The following XKR9 variants were observed in gnomAD, a reference collection of about 807,000 sequenced individuals.
The protein encoded by XKR9 is XK-related protein 9.
Under a neutral mutation model 32.0 loss-of-function variants are expected in XKR9, and 32 were observed. The ratio of observed to expected loss-of-function variants is 1.00; its 90% CI spans 0.76 to 1.34. The LOEUF is 1.34. XKR9 is among the 40% of genes most tolerant of loss of function. The pLI is 0.00. For synonymous variants in XKR9, 168 were observed against 143.4 expected (o/e 1.17, Z -1.22); for missense variants, 546 against 429.7 (o/e 1.27, Z -2.39).
the XKR9 span, among the ~76,000 whole-genome samples, chr8:70,978,113 T>A: frequency 6.6e-6 from 1 of 152,242 alleles, no homozygotes; most frequent in African/African-American, 2.4e-5. Flanking sequence ...CCCTTTATTT[T>A]GAGCCTATGT....
intron 3 of XKR9, among the ~76,000 whole-genome samples, chr8:70,689,524 G>A (rs552215921): frequency 5.4e-4 from 81 of 148,924 alleles, no homozygotes; most frequent in Non-Finnish European, 1.0e-3. Context: ...TATTAGCCCC[G>A]GAGCTTCCTC....
chr8:70,987,109 G>C, the XKR9 span, among the ~76,000 whole-genome samples: 1 of 152,112 alleles, frequency 6.6e-6, no homozygotes, highest in Non-Finnish European at 1.5e-5. Context: ...AAAACACATG[G>C]AATTATGGGA....
At chr8:70,976,051 A>T in the XKR9 span, among the ~76,000 whole-genome samples, 10 of 152,042 alleles carry the variant, frequency 6.6e-5, no homozygotes, top group Admixed American at 6.5e-4. Flanking sequence ...TTTGTCTGTT[A>T]TTTGTGTATA....
the XKR9 span, among the ~76,000 whole-genome samples, chr8:70,907,790 C>A: frequency 6.6e-6 from 1 of 152,148 alleles, no homozygotes; most frequent in Non-Finnish European, 1.5e-5. Context: ...TTATTCTTTG[C>A]TTTCTAAGTT....
At chr8:71,014,180 A>G in the XKR9 span, among the ~76,000 whole-genome samples, 3 of 152,172 alleles carry the variant, frequency 2.0e-5, no homozygotes, top group African/African-American at 7.2e-5. Context: ...AGCCTTTCCC[A>G]AAGGAAGCCT....
chr8:70,980,230 G>A, the XKR9 span, among the ~76,000 whole-genome samples: 1 of 152,348 alleles, frequency 6.6e-6, no homozygotes, highest in Non-Finnish European at 1.5e-5. Context: ...GTGGGGTGAT[G>A]CCCCGCCCTG....
At chr8:70,726,693 A>C (rs1383554047) in intron 4 of XKR9, among the ~76,000 whole-genome samples, 1 of 152,238 alleles carries the variant, frequency 6.6e-6, no homozygotes, top group Non-Finnish European at 1.5e-5. Flanking sequence ...GGATTGGTCA[A>C]GAGCAAAGGT....
At chr8:70,744,704 C>T (rs900265669) in intron 2 of XKR9, among the ~76,000 whole-genome samples, 4 of 152,172 alleles carry the variant, frequency 2.6e-5, no homozygotes, top group Non-Finnish European at 4.4e-5. Context: ...CTCCTGGGTT[C>T]GCGTGATTCT....
chr8:70,773,359 G>A (rs576974625), intron 2 of XKR9, among the ~76,000 whole-genome samples: 1 of 152,300 alleles, frequency 6.6e-6, no homozygotes, highest in South Asian at 2.1e-4. Flanking sequence ...GATTCTGCCT[G>A]CAAGAGGCTA....
chr8:70,962,096 T>G, the XKR9 span, among the ~76,000 whole-genome samples: 6 of 152,190 alleles, frequency 3.9e-5, no homozygotes, highest in Admixed American at 6.5e-5. Flanking sequence ...AATCTTTTGA[T>G]GAAATCACCG....
At chr8:70,808,990 C>A in the XKR9 span, among the ~76,000 whole-genome samples, 2 of 152,234 alleles carry the variant, frequency 1.3e-5, no homozygotes, top group African/African-American at 4.8e-5. Flanking sequence ...AACGCACAGA[C>A]TGCCTCCTCA....
the XKR9 span, among the ~76,000 whole-genome samples, chr8:70,888,861 G>T: frequency 6.6e-6 from 1 of 151,866 alleles, no homozygotes; most frequent in African/African-American, 2.4e-5. Context: ...CAATAGATTT[G>T]TAGCATATTT....
At chr8:70,761,958 C>G (rs1343470560) in intron 2 of XKR9, among the ~76,000 whole-genome samples, 1 of 151,996 alleles carries the variant, frequency 6.6e-6, no homozygotes, top group African/African-American at 2.4e-5. Context: ...ATAGGGAATC[C>G]TTTCCCCTTT....
downstream of XKR9, among the ~76,000 whole-genome samples, chr8:70,738,944 C>T (rs189502697): frequency 3.3e-5 from 5 of 152,256 alleles, no homozygotes; most frequent in East Asian, 9.6e-4. Flanking sequence ...AATGTATATT[C>T]TGTTGATTTG....
downstream of XKR9, among the ~76,000 whole-genome samples, chr8:70,791,698 T>G (rs181234753): frequency 2.6e-3 from 399 of 152,192 alleles, 1 homozygote; most frequent in Admixed American, 4.7e-3. Context: ...CCCTCAATTT[T>G]GTACTTCCCA....
the XKR9 span, among the ~76,000 whole-genome samples, chr8:70,856,925 C>A: frequency 3.9e-5 from 6 of 151,956 alleles, no homozygotes; most frequent in Non-Finnish European, 8.8e-5. Context: ...TTGAAACCAA[C>A]GACAACAAAG....
chr8:70,843,432 G>A, the XKR9 span, among the ~76,000 whole-genome samples: 1 of 152,198 alleles, frequency 6.6e-6, no homozygotes, highest in East Asian at 1.9e-4. Flanking sequence ...TTCTTTAAAA[G>A]TTACCCTAGA....
the XKR9 span, among the ~76,000 whole-genome samples, chr8:70,899,923 A>T: frequency 6.6e-6 from 1 of 152,194 alleles, no homozygotes; most frequent in East Asian, 1.9e-4. Context: ...GAGTATCTGT[A>T]GAGTGCATTT....
At chr8:71,015,967 T>C in the XKR9 span, among the ~76,000 whole-genome samples, 1 of 151,932 alleles carries the variant, frequency 6.6e-6, no homozygotes, top group Non-Finnish European at 1.5e-5. Flanking sequence ...TTTCCTTTAA[T>C]AAGGCAGCCA....
Sources: gnomAD v4.1 joint callset for allele counts (sites outside exome capture counted in the v4.1 genomes callset) on GRCh38, gnomAD v4.1.1 for gene constraint, MANE v1.5 for transcripts, NCBI Gene and HGNC (gene_info 2026-07-23, HGNC 2026-07-21) for gene names.